MCUB: variants seen among roughly 807,000 people sequenced by gnomAD.
MCUB encodes calcium uniporter regulatory subunit MCUb, mitochondrial.
Under a neutral mutation model 41.4 loss-of-function variants are expected in MCUB, and 46 were observed. The observed-to-expected ratio is 1.11, with a 90% CI of 0.88 to 1.42. The LOEUF is 1.42. MCUB is among the 40% of genes most tolerant of loss of function. MCUB has a pLI of 0.00. For synonymous variants in MCUB, 148 were observed against 148.2 expected, an observed-to-expected ratio of 1.00 and a Z score of 0.01; for missense variants, 403 against 404.9, an observed-to-expected ratio of 1.00 and a Z score of 0.04.
chr4:109,576,189 A>G (rs1209106211), intron 1 of MCUB, among the ~76,000 whole-genome samples: 1 of 152,242 alleles, frequency 6.6e-6, no homozygotes, highest in Non-Finnish European at 1.5e-5. Context: ...CCCAACCTCA[A>G]TATAACACTC....
chr4:109,629,388 T>C (rs1164152331), intron 1 of MCUB, among the ~76,000 whole-genome samples: 2 of 152,216 alleles, frequency 1.3e-5, no homozygotes, highest in Non-Finnish European at 2.9e-5. Context: ...CACAGAAGAC[T>C]TCTGTGACCC....
chr4:109,650,720 C>A (rs1370214888), intron 1 of MCUB, among the ~76,000 whole-genome samples: 1 of 152,130 alleles, frequency 6.6e-6, no homozygotes, highest in African/African-American at 2.4e-5. Context: ...ATTTTTAGAC[C>A]TCATTAAAAT....
chr4:109,599,099 C>A (rs1441541727), intron 1 of MCUB, among the ~76,000 whole-genome samples: 1 of 152,188 alleles, frequency 6.6e-6, no homozygotes. Context: ...GTCTTCTCAA[C>A]AATGGATATT....
intron 1 of MCUB, among the ~76,000 whole-genome samples, chr4:109,599,169 C>T (rs1727667489): frequency 6.6e-6 from 1 of 152,188 alleles, no homozygotes. Context: ...TGTTAACCTT[C>T]AACAGGTTAA....
At chr4:109,603,103 C>T (rs530996677) in intron 1 of MCUB, among the ~76,000 whole-genome samples, 2 of 152,328 alleles carry the variant, frequency 1.3e-5, no homozygotes, top group African/African-American at 4.8e-5. Context: ...CCATCTCCCT[C>T]TCCATAGTCT....
intron 1 of MCUB, among the ~76,000 whole-genome samples, chr4:109,598,029 G>A (rs1360830682): frequency 1.3e-5 from 2 of 151,354 alleles, no homozygotes; most frequent in East Asian, 3.9e-4. Flanking sequence ...TCACTTCCTA[G>A]ATGGGATGGC....
chr4:109,624,845 C>T (rs1004745202), intron 1 of MCUB, among the ~76,000 whole-genome samples: 1 of 152,046 alleles, frequency 6.6e-6, no homozygotes, highest in Non-Finnish European at 1.5e-5. Flanking sequence ...ACTGTATAGT[C>T]CAAACCTGAT....
chr4:109,683,698 C>T (rs1729767087), intron 5 of MCUB, among the ~76,000 whole-genome samples: 1 of 152,136 alleles, frequency 6.6e-6, no homozygotes, highest in African/African-American at 2.4e-5. Context: ...AGCTTCATTA[C>T]AGTTGTGTAA....
chr4:109,649,578 C>T (rs928631927), intron 1 of MCUB, among the ~76,000 whole-genome samples: 2 of 152,010 alleles, frequency 1.3e-5, no homozygotes, highest in African/African-American at 4.8e-5. Context: ...TTGCCTCTGC[C>T]GTCTATTAAT....
intron 1 of MCUB, among the ~76,000 whole-genome samples, chr4:109,571,120 T>G (rs55762783): frequency 0.011 from 1,729 of 152,272 alleles, 31 homozygotes; most frequent in African/African-American, 0.039. Context: ...TCCAATAGGT[T>G]TATTTCTCTT....
intron 1 of MCUB, 93 bp downstream of exon 1, chr4:109,560,529 A>T: frequency 1.7e-6 from 1 of 587,368 alleles, no homozygotes; most frequent in Non-Finnish European, 2.5e-6. Flanking sequence ...CGAGCGGCCG[A>T]GCAGTCAACT....
At chr4:109,682,409 C>G (rs1210292545) in intron 4 of MCUB, among the ~76,000 whole-genome samples, 173 bp from the exon 5 acceptor site, 4 of 151,892 alleles carry the variant, frequency 2.6e-5, no homozygotes, top group African/African-American at 9.7e-5. Flanking sequence ...GAAAAGTACA[C>G]TTGAACTGCT....
intron 1 of MCUB, among the ~76,000 whole-genome samples, chr4:109,640,277 A>G (rs1728685828): frequency 6.6e-6 from 1 of 152,206 alleles, no homozygotes; most frequent in Non-Finnish European, 1.5e-5. Context: ...GTGGAATGTC[A>G]TCTTTTGTGG....
At chr4:109,560,568 G>A (rs1040200367) in intron 1 of MCUB, 132 bp downstream of exon 1, 4 of 456,296 alleles carry the variant, frequency 8.8e-6, no homozygotes, top group African/African-American at 2.0e-5. Context: ...GGCTCCGCGC[G>A]CCGGGCGGTC....
At chr4:109,676,859 A>G (rs1299519186) in intron 4 of MCUB, among the ~76,000 whole-genome samples, 1 of 152,256 alleles carries the variant, frequency 6.6e-6, no homozygotes, top group Non-Finnish European at 1.5e-5. Context: ...AAATGAGAGG[A>G]GAATAGATTT....
intron 1 of MCUB, among the ~76,000 whole-genome samples, chr4:109,656,722 CATT>C (rs1729112008): frequency 6.6e-6 from 1 of 152,052 alleles, no homozygotes; most frequent in African/African-American, 2.4e-5. Context: ...TTATCTGTCT[CATT>C]ATTTTTATAG....
At position 109,634,351 on chromosome 4, in the gene MCUB, G is replaced by A. The variant is rs376557601; in HGVS notation, c.100-24660G>A. 1.2e-3 allele frequency among the ~76,000 whole-genome samples: 185 copies of A among 152,098 alleles called. 1 individual carries two copies. The highest frequency in any genetic ancestry group is 1.9e-3 in the Non-Finnish European group (130 of 67,990). ...TACAAAATTAGCTGGGCGTGGTGGC[G>A]CGTGCCTGTAATCCCAGCTACTCAG... is the stretch of plus-strand genomic sequence containing the variant. On this transcript the variant is annotated intron_variant, in intron 1 of 7. Coordinates refer to ENST00000394650, the MANE Select transcript of MCUB (RefSeq NM_017918.5).
intron 1 of MCUB, among the ~76,000 whole-genome samples, chr4:109,636,325 ACAG>A (rs1728588142): frequency 6.6e-6 from 1 of 152,214 alleles, no homozygotes; most frequent in South Asian, 2.1e-4. Context: ...GACTGGAGAT[ACAG>A]CTTCAAGCCA....
chr4:109,595,830 A>G (rs1727542453), intron 1 of MCUB, among the ~76,000 whole-genome samples: 1 of 152,214 alleles, frequency 6.6e-6, no homozygotes, highest in Non-Finnish European at 1.5e-5. Context: ...TTGAGATAAG[A>G]GTAGGGGTGG....
Sources: allele counts gnomAD v4.1 joint callset (sites outside exome capture counted in the v4.1 genomes callset), GRCh38; gene constraint gnomAD v4.1.1; transcripts MANE v1.5; gene names NCBI Gene and HGNC (gene_info 2026-07-23, HGNC 2026-07-21).